OSTM1: variants seen among roughly 807,000 people sequenced by gnomAD.
OSTM1 encodes osteopetrosis-associated transmembrane protein 1.
A neutral mutation model predicts 35.4 loss-of-function variants in OSTM1; 26 were observed. The observed-to-expected ratio is 0.73, with a 90% CI of 0.54 to 1.02. The LOEUF (loss-of-function observed/expected upper bound fraction) is 1.02, where lower values mean the gene tolerates loss of function less well. Ranked by LOEUF, OSTM1 falls within the 50% of genes least tolerant of loss-of-function variation. The pLI is 0.00. For missense variants in OSTM1, 366 were observed against 409.6 expected (o/e 0.89, Z 0.92); for synonymous variants, 181 against 165.0 (o/e 1.10, Z -0.75).
chr6:108,061,368 G>A (rs950449709), intron 2 of OSTM1, among the ~76,000 whole-genome samples: 1 of 151,794 alleles, frequency 6.6e-6, no homozygotes, highest in South Asian at 2.1e-4. Context: ...TATTTCCAAG[G>A]CCCCTCCCTA....
At chr6:108,056,127 A>C (rs1043172599) in intron 2 of OSTM1, among the ~76,000 whole-genome samples, 1 of 152,204 alleles carries the variant, frequency 6.6e-6, no homozygotes, top group Non-Finnish European at 1.5e-5. Flanking sequence ...ACTACAACGA[A>C]AGTTAACACT....
intron 3 of OSTM1, among the ~76,000 whole-genome samples, chr6:108,053,594 T>C (rs1339236388): frequency 6.6e-6 from 1 of 152,168 alleles, no homozygotes; most frequent in African/African-American, 2.4e-5. Flanking sequence ...CACTGCAACC[T>C]CTACTTCACT....
In OSTM1 at chr6:108,057,165, G is replaced by A. The variant is rs570989830; in HGVS notation, c.518-2578C>T. Among the ~76,000 whole-genome samples the A allele has an allele frequency of 3.3e-5, 5 of 152,256 alleles. No individual in the cohort carries two copies. The South Asian group carries it at 1.0e-3, about 32-fold the overall frequency. ...ATTGCTTCAGCTTGGGGAGGTCGAG[G>A]CTGCAATAAGCTGTGATTGCGCCAC... On this transcript the variant is annotated intron_variant, in intron 2 of 5. Coordinates refer to ENST00000193322, the MANE Select transcript of OSTM1 (RefSeq NM_014028.4).
chr6:108,068,574 T>C (rs989016613), intron 1 of OSTM1, among the ~76,000 whole-genome samples: 3 of 152,110 alleles, frequency 2.0e-5, no homozygotes, highest in African/African-American at 7.2e-5. Flanking sequence ...AAGCCTGTAA[T>C]TTCTGCCTCC....
chr6:108,065,317 G>A (rs1348739803), intron 1 of OSTM1, among the ~76,000 whole-genome samples: 1 of 143,378 alleles, frequency 7.0e-6, no homozygotes, highest in East Asian at 2.1e-4. Flanking sequence ...TCAGCTCACT[G>A]CAACATCTGC....
intron 2 of OSTM1, among the ~76,000 whole-genome samples, chr6:108,062,550 TTTG>T (rs1326210171): frequency 6.6e-6 from 1 of 150,926 alleles, no homozygotes; most frequent in Non-Finnish European, 1.5e-5. Flanking sequence ...TTTTTTTTTT[TTTG>T]TTATTGTTGT....
intron 1 of OSTM1, among the ~76,000 whole-genome samples, chr6:108,064,937 C>T (rs992140143): frequency 6.6e-6 from 1 of 152,220 alleles, no homozygotes; most frequent in African/African-American, 2.4e-5. Context: ...GGAAGAATTT[C>T]TGCTTTAAAA....
intron 2 of OSTM1, 86 bp downstream of exon 2, chr6:108,064,099 C>T (rs1772336655): frequency 1.3e-6 from 1 of 775,232 alleles, no homozygotes; most frequent in African/African-American, 1.7e-5. Flanking sequence ...TATCCAGCTT[C>T]AAAGATCCCA....
intron 1 of OSTM1, among the ~76,000 whole-genome samples, chr6:108,064,926 AG>A (rs1772350381): frequency 6.6e-6 from 1 of 152,198 alleles, no homozygotes; most frequent in Admixed American, 6.5e-5. Flanking sequence ...GAGGGAGAAA[AG>A]GAAGAATTTC....
intron 5 of OSTM1, 128 bp from the exon 6 acceptor site, chr6:108,044,968 A>T (rs940566703): frequency 1.9e-5 from 9 of 462,918 alleles, no homozygotes; most frequent in African/African-American, 1.8e-4. Flanking sequence ...TTCCAGCCTT[A>T]TAAGAATTAA....
chr6:108,052,206 G>A (rs1390175901), intron 3 of OSTM1, among the ~76,000 whole-genome samples: 1 of 152,070 alleles, frequency 6.6e-6, no homozygotes, highest in Non-Finnish European at 1.5e-5. Flanking sequence ...AGGCCGAGGT[G>A]GGCGGATCAC....
At position 108,044,852 on chromosome 6, in the gene OSTM1, A is replaced by C. The variant is rs886060972; in HGVS notation, c.950-12T>G. The C allele has an allele frequency of 1.4e-6, 2 of 1,444,550 alleles. No individual in the cohort carries two copies. The highest frequency in any genetic ancestry group is 2.8e-5 in the African/African-American group (2 of 71,460). The allele number at this position is 1,444,550 out of a possible 1,614,324, so 89.5% of individuals were successfully genotyped here. A position where few individuals can be genotyped will look rare whatever the true frequency, so the allele number is the denominator to read the frequency against. On this transcript the variant is annotated splice_polypyrimidine_tract_variant and intron_variant, in intron 5 of 5. Coordinates refer to ENST00000193322, the MANE Select transcript of OSTM1 (RefSeq NM_014028.4). ...CTTGAGACGTTTGGCTAGATAAATCAAAAGAATTATATTTTAATTTAAATT... is the reference window on the plus strand; with the variant it reads ...CTTGAGACGTTTGGCTAGATAAATCCAAAGAATTATATTTTAATTTAAATT...
intron 5 of OSTM1, among the ~76,000 whole-genome samples, chr6:108,047,387 G>A (rs1046016414): frequency 1.3e-5 from 2 of 152,216 alleles, no homozygotes; most frequent in Non-Finnish European, 2.9e-5. Context: ...GACGAGTTTA[G>A]AAAGGTGGCT....
chr6:108,045,317 T>C (rs975575823), intron 5 of OSTM1, among the ~76,000 whole-genome samples: 4 of 152,162 alleles, frequency 2.6e-5, no homozygotes, highest in East Asian at 1.9e-4. Flanking sequence ...TGAATGATTT[T>C]TCCCCCTAAG....
intron 5 of OSTM1, among the ~76,000 whole-genome samples, chr6:108,046,183 T>C (rs1327640173): frequency 1.2e-4 from 18 of 144,980 alleles, no homozygotes; most frequent in Non-Finnish European, 3.0e-5. Context: ...TTTTTTTTTT[T>C]TTTTTTTTTG....
At chr6:108,046,927 A>G (rs990256307) in intron 5 of OSTM1, among the ~76,000 whole-genome samples, 1 of 152,110 alleles carries the variant, frequency 6.6e-6, no homozygotes, top group South Asian at 2.1e-4. Flanking sequence ...ACATACACCT[A>G]CATCTTCCTT....
At position 108,051,163 on chromosome 6, in the gene OSTM1, A is replaced by G; in HGVS notation, c.651T>C (p.Tyr217=). 6.2e-7 allele frequency: 1 copy of G among 1,613,642 alleles called. No individual in the cohort carries two copies. The highest frequency in any genetic ancestry group is 1.7e-5 in the Admixed American group (1 of 60,024). ...NAHSLLQTKN[Y]SEVCKNCREA... ...CACGGCAGTTTTTGCATACTTCTGA[A>G]TAATTTTTTGTCTGTAAAAGACTAT... The change falls in exon 4 of 6, where the codon TAT becomes TAC. Residue 217 remains tyrosine (Y), a synonymous_variant. Coordinates refer to ENST00000193322, the MANE Select transcript of OSTM1 (RefSeq NM_014028.4).
At chr6:108,057,311 AAAAC>A (rs770053073) in intron 2 of OSTM1, among the ~76,000 whole-genome samples, 4 of 152,220 alleles carry the variant, frequency 2.6e-5, no homozygotes, top group African/African-American at 7.2e-5. Flanking sequence ...GATATAAATA[AAAAC>A]AAACAATTAC....
intron 5 of OSTM1, among the ~76,000 whole-genome samples, chr6:108,047,124 T>A (rs1771990163): frequency 6.6e-6 from 1 of 152,182 alleles, no homozygotes; most frequent in African/African-American, 2.4e-5. Context: ...TTTAAATTAG[T>A]TTAAGTGATT....
Sources: allele counts gnomAD v4.1 joint callset (sites outside exome capture counted in the v4.1 genomes callset), GRCh38; gene constraint gnomAD v4.1.1; transcripts MANE v1.5; gene names NCBI Gene and HGNC (gene_info 2026-07-23, HGNC 2026-07-21).